ZFYVE1: variants seen among roughly 807,000 people sequenced by gnomAD.
ZFYVE1 encodes zinc finger FYVE-type containing 1, also known as zinc finger FYVE domain-containing protein 1.
ZFYVE1 carries 30 observed loss-of-function variants against 74.4 expected under a neutral mutation model. The ratio of observed to expected loss-of-function variants is 0.40; its 90% CI spans 0.30 to 0.55. The LOEUF is 0.55. Among genes scored for constraint, ZFYVE1 ranks in the 20% least tolerant of loss-of-function variants. ZFYVE1 has a pLI of 0.42. For synonymous variants in ZFYVE1, 335 were observed against 385.1 expected (o/e 0.87, Z 1.52); for missense variants, 703 against 1,011.6 (o/e 0.69, Z 4.14).
At chr14:72,981,945 C>T (rs1169082593) in intron 4 of ZFYVE1, 50 bp from the exon 5 acceptor site, 1 of 1,481,448 alleles carries the variant, frequency 6.8e-7, no homozygotes, top group Non-Finnish European at 9.3e-7. Flanking sequence ...GAGAGCTCCG[C>T]ACTTTGGCCC....
intron 2 of ZFYVE1, among the ~76,000 whole-genome samples, chr14:73,006,015 C>T (rs113290936): frequency 0.029 from 4,470 of 152,026 alleles, 93 homozygotes; most frequent in Non-Finnish European, 0.039. Context: ...TCCGCCTCCC[C>T]GGTTCAGGCC....
intron 4 of ZFYVE1, among the ~76,000 whole-genome samples, chr14:72,983,069 T>G (rs1893379211): frequency 6.6e-6 from 1 of 152,106 alleles, no homozygotes. Context: ...GGTCTTGAAC[T>G]CCAGGCCTCA....
At chr14:72,998,433 G>C (rs1189243037) in intron 2 of ZFYVE1, 118 bp from the exon 3 acceptor site, 1 of 1,023,568 alleles carries the variant, frequency 9.8e-7, no homozygotes, top group Non-Finnish European at 1.3e-6. Flanking sequence ...AAGAAAGGAA[G>C]TCACAGGATA....
At chr14:73,019,267 G>A (rs1393377503) in intron 2 of ZFYVE1, among the ~76,000 whole-genome samples, 1 of 152,108 alleles carries the variant, frequency 6.6e-6, no homozygotes, top group Admixed American at 6.6e-5. Flanking sequence ...AAGGGTTACA[G>A]CCTACAGGTG....
At position 72,978,157 on chromosome 14, in the gene ZFYVE1, G is replaced by A. The variant is rs770058464; in HGVS notation, c.1497C>T (p.Leu499=). The change falls in exon 7 of 12, where the codon CTC becomes CTT. Residue 499 remains leucine, a synonymous_variant. Transcript: ENST00000556143. ...CTCACCCAGACCAGGCATATTTTGCGAGACCCATCCAGGGGGAGTCAGTGG... is the reference window on the plus strand; with the variant it reads ...CTCACCCAGACCAGGCATATTTTGCAAGACCCATCCAGGGGGAGTCAGTGG... ...SASTDSPWMG[L]AKYAWSGYVI... is the part of the protein sequence containing the mutation. 5.6e-6 allele frequency: 9 copies of A among 1,614,070 alleles called. No individual in the cohort carries two copies. Among genetic ancestry groups the A allele is most frequent in the African/African-American group, 4.0e-5 (3 of 74,922 alleles).
chr14:73,000,533 G>A (rs1279565522), intron 2 of ZFYVE1, among the ~76,000 whole-genome samples: 1 of 151,854 alleles, frequency 6.6e-6, no homozygotes, highest in Non-Finnish European at 1.5e-5. Flanking sequence ...GAGCTCAGGA[G>A]TTCGAGGCTA....
Position 72,975,988 on chromosome 14 carries a change from C to G in ZFYVE1, c.1636-267G>C, listed in dbSNP as rs1045334171. 1 of 362,858 alleles carries G rather than the reference C, an allele frequency of 2.8e-6. No homozygotes were observed. Among genetic ancestry groups the G allele is most frequent in the Non-Finnish European group, 5.0e-6 (1 of 200,654 alleles). The allele number at this position is 362,858 out of a possible 1,614,324, so 22.5% of individuals were successfully genotyped here. ...ACCTCCTCCAGGGGGCCCCGCACCG[C>G]AGGCTGAGTTAAGAACCTTTCCTCT... On this transcript the variant is annotated intron_variant, in intron 8 of 11. Coordinates refer to ENST00000556143, the MANE Select transcript of ZFYVE1 (RefSeq NM_021260.4). The surrounding 1 kb of genome is among the most constrained non-coding windows in gnomAD (Gnocchi z 4.1).
At position 72,978,121 on chromosome 14, in the gene ZFYVE1, T is replaced by G. The variant is rs376142821; in HGVS notation, c.1517+16A>C. On this transcript the variant is annotated intron_variant, in intron 7 of 11. Coordinates refer to ENST00000556143, the MANE Select transcript of ZFYVE1 (RefSeq NM_021260.4). ...AAACGCACCAGAAAACCTTGAGCCA[T>G]GTTGTTTAAACTCACCCAGACCAGG... The G allele has an allele frequency of 1.2e-6, 2 of 1,614,062 alleles. No individual in the cohort carries two copies. The highest frequency in any genetic ancestry group is 1.7e-6 in the Non-Finnish European group (2 of 1,179,944).
At chr14:73,005,543 C>G (rs796235472) in intron 2 of ZFYVE1, among the ~76,000 whole-genome samples, 99 of 152,284 alleles carry the variant, frequency 6.5e-4, no homozygotes, top group African/African-American at 2.2e-3. Flanking sequence ...CAGGCGAGTC[C>G]AAAACACCTG....
At chr14:72,971,199 G>A (rs964126111) in intron 11 of ZFYVE1, 85 bp from the exon 12 acceptor site, 1 of 1,386,086 alleles carries the variant, frequency 7.2e-7, no homozygotes, top group African/African-American at 1.4e-5. Flanking sequence ...GATGCTTACT[G>A]GCTTATAATC....
intron 2 of ZFYVE1, among the ~76,000 whole-genome samples, chr14:73,008,619 G>C (rs1894028250): frequency 6.6e-6 from 1 of 152,180 alleles, no homozygotes; most frequent in Non-Finnish European, 1.5e-5. Context: ...GATGAATTCT[G>C]AGGACACACT....
Position 72,974,795 on chromosome 14 carries a change from G to A in ZFYVE1, c.1971C>T (p.Ala657=). The change falls in exon 10 of 12, where the codon GCC becomes GCT. Residue 657 remains alanine, a synonymous_variant. Coordinates refer to ENST00000556143, the MANE Select transcript of ZFYVE1 (RefSeq NM_021260.4). ...CCACGTTACCTAACTGGACGTTCCT[G>A]GCTTCGTAGCAGTTGTCACAGACCC... ...PVRVCDNCYE[A]RNVQLAVTEA... is the part of the protein sequence containing the mutation. The A allele has an allele frequency of 6.2e-7, 1 of 1,600,486 alleles. No homozygotes were observed. Among genetic ancestry groups the A allele is most frequent in the Non-Finnish European group, 8.6e-7 (1 of 1,169,454 alleles).
At chr14:72,977,894 T>C (rs772952589) in intron 8 of ZFYVE1, 33 bp downstream of exon 8, 1 of 1,607,666 alleles carries the variant, frequency 6.2e-7, no homozygotes, top group South Asian at 1.1e-5. Flanking sequence ...CGACACAAGA[T>C]AAAGAAAAAC....
intron 4 of ZFYVE1, among the ~76,000 whole-genome samples, chr14:72,992,615 G>GGGGGGGGGGGGGGGGGGGCCC: frequency 9.2e-6 from 1 of 109,088 alleles, no homozygotes; most frequent in South Asian, 3.2e-4. Context: ...CCATTCAGGT[G>GGGGGGGGGGGGGGGGGGGCCC]CCCCCCCCGC....
At chr14:72,997,570 C>T (rs982363374) in intron 3 of ZFYVE1, among the ~76,000 whole-genome samples, 1 of 152,146 alleles carries the variant, frequency 6.6e-6, no homozygotes, top group African/African-American at 2.4e-5. Context: ...AGGTCTTATC[C>T]AGATCACTAA....
chr14:72,978,566 C>CAAAAAAAAAAAAAAAAAAA (rs58858186), intron 6 of ZFYVE1, among the ~76,000 whole-genome samples: 3 of 50,952 alleles, frequency 5.9e-5, no homozygotes, highest in African/African-American at 9.5e-5. Flanking sequence ...GACTCTGTCT[C>CAAAAAAAAAAAAAAAAAAA]AAAAAAAAAA....
At chr14:72,972,618 C>A (rs1893062700) in intron 11 of ZFYVE1, among the ~76,000 whole-genome samples, 1 of 152,164 alleles carries the variant, frequency 6.6e-6, no homozygotes, top group African/African-American at 2.4e-5. Flanking sequence ...GTAAGCCTGC[C>A]AAGCACTGGT....
rs1471945072 is a variant in ZFYVE1, at chr14:72,992,621, C to CCCA, written c.1203+521_1203+522insTGG. On this transcript the variant is annotated intron_variant, in intron 4 of 11. Transcript: ENST00000556143. Reference sequence around the variant, plus strand: ...GGGGAGGTCCCATTCAGGTGCCCCCCCCGCCCCTTGCAAGAGAGAGAGAGC... The same window carrying CCCA: ...GGGGAGGTCCCATTCAGGTGCCCCCCCCACCGCCCCTTGCAAGAGAGAGAGAGC... Among the ~76,000 whole-genome samples, 18 of 111,196 alleles carry CCCA rather than the reference C, an allele frequency of 1.6e-4. 1 individual carries two copies. Among genetic ancestry groups the CCCA allele is most frequent in the Non-Finnish European group, 3.1e-4 (16 of 50,838 alleles). 72.9% of individuals were successfully genotyped at this position (111,196 alleles called of 152,430 possible).
chr14:72,978,313 A>G, intron 6 of ZFYVE1, 79 bp from the exon 7 acceptor site: 2 of 1,434,342 alleles, frequency 1.4e-6, no homozygotes, highest in Non-Finnish European at 9.6e-7. Flanking sequence ...TTACCAGCCC[A>G]GGCTGGTTGT....
Sources: gnomAD v4.1 joint callset for allele counts (sites outside exome capture counted in the v4.1 genomes callset) on GRCh38, gnomAD v4.1.1 for gene constraint, Gnocchi (gnomAD v3.1) non-coding constraint, MANE v1.5 for transcripts, NCBI Gene and HGNC (gene_info 2026-07-23, HGNC 2026-07-21) for gene names.